The following BCL2L12 variants were observed in gnomAD, a reference collection of about 807,000 sequenced individuals.
The protein encoded by BCL2L12 is bcl-2-like protein 12.
In BCL2L12, 27 loss-of-function variants were observed where a neutral mutation model predicts 25.7. The ratio of observed to expected loss-of-function variants is 1.05; its 90% CI spans 0.78 to 1.45. BCL2L12 has a LOEUF of 1.45. BCL2L12 is among the 40% of genes most tolerant of loss of function. BCL2L12 has a pLI of 0.00. For missense variants in BCL2L12, 302 were observed against 329.8 expected, an observed-to-expected ratio of 0.92 and a Z score of 0.65; for synonymous variants, 132 against 145.6, an observed-to-expected ratio of 0.91 and a Z score of 0.67.
rs1180865334 is a variant in BCL2L12, at chr19:49,667,161, G to A, written c.250G>A (p.Gly84Ser). The A allele has an allele frequency of 5.0e-6, 8 of 1,608,818 alleles. No individual in the cohort carries two copies. The African/African-American group carries it at 1.1e-4, about 22-fold the overall frequency. ...PIRPCYGLEPGPATPDFYALV... is the reference protein window; with the variant it reads ...PIRPCYGLEPSPATPDFYALV... ...CCGCCCCTGCTATGGTTTAGAGCCT[G>A]GTAAGAGATTTCCATGATCATCTAT... is the stretch of plus-strand genomic sequence containing the variant. Residue 84 changes from glycine (G) to serine (S), a missense_variant and splice_region_variant, in exon 3 of 7, where the codon GGC (glycine) becomes AGC (serine). Transcript: ENST00000246784.
rs1157126689 is a variant in BCL2L12 at position 49,665,979 on chromosome 19, C to T, written c.-97C>T. 1.2e-5 allele frequency: 19 copies of T among 1,611,268 alleles called. No homozygotes were observed. Among genetic ancestry groups the T allele is most frequent in the Non-Finnish European group, 1.5e-5 (18 of 1,178,588 alleles). On this transcript the variant is annotated 5_prime_UTR_variant, in exon 1 of 7. Coordinates refer to ENST00000246784, the MANE Select transcript of BCL2L12 (RefSeq NM_138639.2). ...ATCGACCCGGCCCAGTGCGCAGGCG[C>T]GGGAAAGTTGAACTAATAAAGTTTG...
chr19:49,670,601 C>T, intron 6 of BCL2L12, 113 bp downstream of exon 6: 4 of 1,387,508 alleles, frequency 2.9e-6, no homozygotes, highest in Non-Finnish European at 3.9e-6. Flanking sequence ...CTCCCAGCTC[C>T]ACTGCGTTCG....
rs141029406 is a variant in BCL2L12, at chr19:49,673,722, G to A, written c.727G>A (p.Val243Met). 4.8e-5 allele frequency: 78 copies of A among 1,614,004 alleles called. No homozygotes were observed. Among genetic ancestry groups the A allele is most frequent in the Admixed American group, 4.0e-4 (24 of 59,998 alleles). The stretch of plus-strand genomic sequence containing the variant: ...GGAGGGCATCCTGGCTGTTTCACCC[G>A]TGGACTTGAACTTGCCATTGGACTG... ...GWEGILAVSP[V>M]DLNLPLD Residue 243 changes from valine (V) to methionine (M), a missense_variant, in exon 7 of 7, where the codon GTG (valine) becomes ATG (methionine). Physicochemically the swap from Val to Met is conservative, Grantham distance 21 (BLOSUM62 1). Coordinates refer to ENST00000246784, the MANE Select transcript of BCL2L12 (RefSeq NM_138639.2).
rs564892865 is a variant in BCL2L12, at chr19:49,668,066, C to T, written c.251-785C>T. On this transcript the variant is annotated intron_variant, in intron 3 of 6. Coordinates refer to ENST00000246784, the MANE Select transcript of BCL2L12 (RefSeq NM_138639.2). ...AAATGTTGAGATTGCAGACGTGAGCCACCGCACCCTGTCAGCTCTGACATT... is the reference window on the plus strand; with the variant it reads ...AAATGTTGAGATTGCAGACGTGAGCTACCGCACCCTGTCAGCTCTGACATT... Among the ~76,000 whole-genome samples, 14 of 151,722 alleles carry T rather than the reference C, an allele frequency of 9.2e-5. No homozygotes were observed. The South Asian group carries it at 2.9e-3, about 32-fold the overall frequency.
intron 6 of BCL2L12, among the ~76,000 whole-genome samples, chr19:49,671,933 C>A (rs1297862992): frequency 6.6e-6 from 1 of 152,220 alleles, no homozygotes; most frequent in East Asian, 1.9e-4. Context: ...CTCCTTCCCC[C>A]TTCCTGCTTT....
intron 6 of BCL2L12, 98 bp from the exon 7 acceptor site, chr19:49,673,600 C>T (rs957270020): frequency 2.3e-5 from 24 of 1,042,148 alleles, no homozygotes; most frequent in South Asian, 5.1e-5. Flanking sequence ...TCTGGTTCCT[C>T]GCCTTCCCGT....
intron 3 of BCL2L12, 29 bp downstream of exon 3, chr19:49,667,190 G>T (rs1165650822): frequency 2.5e-6 from 4 of 1,605,090 alleles, no homozygotes; most frequent in Non-Finnish European, 3.4e-6. Flanking sequence ...CATCTATGAA[G>T]CCGGCAGAAC....
In BCL2L12 at chr19:49,670,458, C is replaced by T; in HGVS notation, c.672C>T (p.Phe224=). ...TCAGCGTGGAGCACGTGCACAGCTTCACGCCCTGGATCCAGGCCCACGGGG... is the reference window on the plus strand; with the variant it reads ...TCAGCGTGGAGCACGTGCACAGCTTTACGCCCTGGATCCAGGCCCACGGGG... ...AGLSVEHVHS[F]TPWIQAHGGW... is the part of the protein sequence containing the mutation. The change falls in exon 6 of 7, where the codon TTC becomes TTT. Residue 224 remains phenylalanine (F), a synonymous_variant. Transcript: ENST00000246784. 6.5e-7 allele frequency: 1 copy of T among 1,537,290 alleles called. No homozygotes were observed. The highest frequency in any genetic ancestry group is 1.2e-5 in the South Asian group (1 of 82,640).
intron 5 of BCL2L12, 76 bp from the exon 6 acceptor site, chr19:49,670,140 A>C (rs2081923555): frequency 1.3e-6 from 2 of 1,526,326 alleles, no homozygotes; most frequent in South Asian, 2.4e-5. Context: ...TGAACCGGGA[A>C]GCCACGCCTC....
chr19:49,673,727 C>G lies in BCL2L12; in HGVS notation c.732C>G (p.Asp244Glu), dbSNP rs752439667. ...WEGILAVSPV[D>E]LNLPLD ...GCATCCTGGCTGTTTCACCCGTGGA[C>G]TTGAACTTGCCATTGGACTGAGCTC... The change falls in exon 7 of 7, where the codon GAC becomes GAG. Residue 244 changes from aspartate to glutamate, a missense_variant. By Grantham distance (45) the Asp-to-Glu change is conservative (BLOSUM62 2). Transcript: ENST00000246784. 19 of 1,614,038 alleles carry G rather than the reference C, an allele frequency of 1.2e-5. No individual in the cohort carries two copies. The East Asian group carries it at 4.2e-4, about 36-fold the overall frequency.
Position 49,668,856 on chromosome 19 carries a change from G to A in BCL2L12, c.256G>A (p.Ala86Thr). 3 of 1,612,566 alleles carry A rather than the reference G, an allele frequency of 1.9e-6. No homozygotes were observed. Among genetic ancestry groups the A allele is most frequent in the Non-Finnish European group, 2.5e-6 (3 of 1,179,818 alleles). The change falls in exon 4 of 7, where the codon GCT becomes ACT. Residue 86 changes from alanine (A) to threonine (T), a missense_variant. Physicochemically the swap from Ala to Thr is moderately conservative, Grantham distance 58. Transcript: ENST00000246784. The part of the protein sequence containing the change: ...RPCYGLEPGP[A>T]TPDFYALVAQ... ...ATTAACTCTTTTCACCCCAGGCCCAGCTACTCCAGACTTCTATGCTTTGGT... is the reference window on the plus strand; with the variant it reads ...ATTAACTCTTTTCACCCCAGGCCCAACTACTCCAGACTTCTATGCTTTGGT...
Position 49,668,919 on chromosome 19 carries a change from A to C in BCL2L12, c.319A>C (p.Lys107Gln), listed in dbSNP as rs1349177159. 1.9e-6 allele frequency: 3 copies of C among 1,613,910 alleles called. No homozygotes were observed. Among genetic ancestry groups the C allele is most frequent in the Non-Finnish European group, 2.5e-6 (3 of 1,179,946 alleles). The change falls in exon 4 of 7, where the codon AAA becomes CAA. Residue 107 changes from lysine to glutamine, a missense_variant. Coordinates refer to ENST00000246784, the MANE Select transcript of BCL2L12 (RefSeq NM_138639.2). Reference protein sequence around the residue: ...RLEQLVQEQLKSPPSPELQGP... With the variant: ...RLEQLVQEQLQSPPSPELQGP... ...GGAACAGCTGGTCCAAGAGCAGCTG[A>C]AATCTCCGCCCAGCCCAGGTGAGGC...
chr19:49,665,818 A>G (rs774082745), upstream of BCL2L12: 1 of 1,585,278 alleles, frequency 6.3e-7, no homozygotes, highest in Non-Finnish European at 8.6e-7. Context: ...ACAGACCCAA[A>G]AGCCGATGGG....
chr19:49,665,663 G>A (rs139412285), upstream of BCL2L12: 5,510 of 969,780 alleles, frequency 5.7e-3, 18 homozygotes, highest in Non-Finnish European at 7.2e-3. Context: ...GCGGGCAGCT[G>A]GAACCCACCC....
intron 6 of BCL2L12, among the ~76,000 whole-genome samples, chr19:49,671,859 C>T (rs1490963801): frequency 6.6e-6 from 1 of 152,146 alleles, no homozygotes; most frequent in African/African-American, 2.4e-5. Context: ...CTGGTTTCAC[C>T]CCCAACGAGG....
In BCL2L12 at chr19:49,672,758, G is replaced by A. The variant is rs893927679; in HGVS notation, c.703-940G>A. Among the ~76,000 whole-genome samples, 1 of 152,018 alleles carries A rather than the reference G, an allele frequency of 6.6e-6. No individual in the cohort carries two copies. Among genetic ancestry groups the A allele is most frequent in the Non-Finnish European group, 1.5e-5 (1 of 67,994 alleles). On this transcript the variant is annotated intron_variant, in intron 6 of 6. Coordinates refer to ENST00000246784, the MANE Select transcript of BCL2L12 (RefSeq NM_138639.2). The surrounding 1 kb of genome is among the most constrained non-coding windows in gnomAD (Gnocchi z 4.1). ...AGGTGTGGGGATGGGGGCGATGGGG[G>A]TGGGGAGCAGGACTGGAGGTGGTCC... is the stretch of plus-strand genomic sequence containing the variant.
chr19:49,669,462 G>A lies in BCL2L12; in HGVS notation c.429+347G>A, dbSNP rs550242746. Among the ~76,000 whole-genome samples the A allele has an allele frequency of 3.3e-5, 5 of 151,950 alleles. No individual in the cohort carries two copies. In the South Asian group the frequency reaches 1.0e-3, roughly 32 times the overall value. On this transcript the variant is annotated intron_variant, in intron 5 of 6. Coordinates refer to ENST00000246784, the MANE Select transcript of BCL2L12 (RefSeq NM_138639.2). Reference sequence around the variant, plus strand: ...GAGGCAGGAGAATCGCTTGAGCCCAGGAGGTGGAGGTTGCAGTGAGCCAAG... The same window carrying A: ...GAGGCAGGAGAATCGCTTGAGCCCAAGAGGTGGAGGTTGCAGTGAGCCAAG...
intron 3 of BCL2L12, among the ~76,000 whole-genome samples, chr19:49,668,074 CCT>C (rs1267538936): frequency 3.3e-5 from 5 of 151,676 alleles, no homozygotes; most frequent in Non-Finnish European, 5.9e-5. Context: ...GCCACCGCAC[CCT>C]GTCAGCTCTG....
chr19:49,665,573 C>A (rs967198603), upstream of BCL2L12: 10 of 511,890 alleles, frequency 2.0e-5, no homozygotes, highest in Non-Finnish European at 2.8e-5. Context: ...GACCCATCCT[C>A]TTTCCCGCTC....
Sources: gnomAD v4.1 joint callset for allele counts (sites outside exome capture counted in the v4.1 genomes callset) on GRCh38, gnomAD v4.1.1 for gene constraint, Gnocchi (gnomAD v3.1) non-coding constraint, MANE v1.5 for transcripts, NCBI Gene and HGNC (gene_info 2026-07-23, HGNC 2026-07-21) for gene names.